The following AK6 variants were observed in gnomAD, a reference collection of about 807,000 sequenced individuals.
AK6 encodes adenylate kinase 6.
In AK6, 24 loss-of-function variants were observed where a neutral mutation model predicts 23.7. That is an observed-to-expected ratio of 1.01 (90% CI 0.73 to 1.43). The LOEUF (loss-of-function observed/expected upper bound fraction) is 1.43, where lower values mean the gene tolerates loss of function less well. AK6 is among the 40% of genes most tolerant of loss of function. AK6 has a pLI of 0.00. For missense variants in AK6, 191 were observed against 199.1 expected (o/e 0.96, Z 0.24); for synonymous variants, 73 against 69.8 (o/e 1.05, Z -0.23).
intron 2 of AK6, chr5:69,365,274 C>T (rs979365171): frequency 6.2e-7 from 1 of 1,614,154 alleles, no homozygotes; most frequent in South Asian, 1.1e-5. Flanking sequence ...ACTTGGTCTG[C>T]TAGTAACTGA....
intron 2 of AK6, among the ~76,000 whole-genome samples, chr5:69,358,293 T>G (rs1414094102): frequency 6.6e-6 from 1 of 151,712 alleles, no homozygotes; most frequent in Non-Finnish European, 1.5e-5. Context: ...AAGGCCGAGG[T>G]GGTTGATCAC....
intron 2 of AK6, chr5:69,365,196 G>A (rs1762366659): frequency 6.8e-6 from 11 of 1,614,108 alleles, no homozygotes; most frequent in African/African-American, 1.3e-5. Context: ...ACCTGTGAGG[G>A]ACATGGGAGT....
intron 2 of AK6, chr5:69,365,794 C>G: frequency 7.3e-7 from 1 of 1,368,810 alleles, no homozygotes; most frequent in East Asian, 2.4e-5. Context: ...TTAGATCAAT[C>G]TGAAATAGTT....
At chr5:69,364,706 A>C in intron 2 of AK6, 1 of 601,876 alleles carries the variant, frequency 1.7e-6, no homozygotes, top group Non-Finnish European at 2.9e-6. Flanking sequence ...CAAGGAGAAA[A>C]TTGCTTTTAA....
chr5:69,366,761 T>TA (rs1264384415), intron 1 of AK6, 166 bp from the exon 2 acceptor site: 18 of 600,968 alleles, frequency 3.0e-5, no homozygotes, highest in Non-Finnish European at 5.0e-5. Flanking sequence ...CAATCATATG[T>TA]AAAATTTTTT....
chr5:69,365,600 A>G (rs756198183), intron 2 of AK6: 25 of 1,614,052 alleles, frequency 1.5e-5, no homozygotes, highest in Non-Finnish European at 2.1e-5. Context: ...TTGTGGTCAC[A>G]TATCGGAAGG....
intron 2 of AK6, among the ~76,000 whole-genome samples, chr5:69,357,133 C>G (rs1408098630): frequency 1.3e-5 from 2 of 152,180 alleles, no homozygotes; most frequent in Admixed American, 1.3e-4. Context: ...TGAAGGGACA[C>G]AGGAGTAGTC....
rs373483893 is a variant in AK6, at chr5:69,352,097, T to C, written c.483A>G (p.Lys161=). The C allele has an allele frequency of 1.1e-5, 18 of 1,612,816 alleles. No individual in the cohort carries two copies. The highest frequency in any genetic ancestry group is 1.5e-5 in the Non-Finnish European group (18 of 1,179,640). Residue 161 remains lysine, a synonymous_variant, in exon 5 of 5, where the codon AAA becomes AAG. Transcript: ENST00000380822. ...GATCTTTGATCCACTGCTCAATCCATTTCAAGATCTGATCTACATTATTTT... is the reference window on the plus strand; with the variant it reads ...GATCTTTGATCCACTGCTCAATCCACTTCAAGATCTGATCTACATTATTTT... ...ELENNVDQIL[K]WIEQWIKDHN...
rs1398052880 is a variant in AK6 at position 69,351,471 on chromosome 5, A to G, written c.*590T>C. 6.6e-6 allele frequency: 1 copy of G among 152,258 alleles called. No individual in the cohort carries two copies. Among genetic ancestry groups the G allele is most frequent in the African/African-American group, 2.4e-5 (1 of 41,466 alleles). 9.4% of individuals were successfully genotyped at this position (152,258 alleles called of 1,614,324 possible). ...AAAAGAAAGGTACAGAATAGTGTGC[A>G]TAATATACTGTTATATTCTTTAAAA... On this transcript the variant is annotated 3_prime_UTR_variant, in exon 5 of 5. Transcript: ENST00000380822.
At chr5:69,369,593 G>T, upstream of AK6, 1 of 1,595,586 alleles carries the variant, frequency 6.3e-7, no homozygotes, top group South Asian at 1.1e-5. Flanking sequence ...GGCCCCAAAG[G>T]CCCCGAAGCC....
intron 2 of AK6, chr5:69,364,817 G>A: frequency 2.4e-6 from 2 of 847,874 alleles, no homozygotes; most frequent in South Asian, 3.4e-5. Flanking sequence ...TGAAAAGTAT[G>A]GTAACTGTGT....
intron 2 of AK6, among the ~76,000 whole-genome samples, chr5:69,356,595 A>G (rs1272369464): frequency 6.6e-6 from 1 of 151,992 alleles, no homozygotes; most frequent in Non-Finnish European, 1.5e-5. Context: ...AGGTTACAAT[A>G]AGGTGAGATC....
At chr5:69,365,609 G>A in intron 2 of AK6, 1 of 1,614,042 alleles carries the variant, frequency 6.2e-7, no homozygotes, top group Non-Finnish European at 8.5e-7. Flanking sequence ...CATATCGGAA[G>A]GCAAACTCCA....
chr5:69,365,262 G>A, intron 2 of AK6: 3 of 1,614,188 alleles, frequency 1.9e-6, no homozygotes, highest in Non-Finnish European at 1.7e-6. Context: ...TAGTGTGGGA[G>A]TACTTGGTCT....
Position 69,355,696 on chromosome 5 carries a change from A to G in AK6, c.279T>C (p.Phe93=), listed in dbSNP as rs753917804. The G allele has an allele frequency of 2.5e-5, 41 of 1,613,758 alleles. No individual in the cohort carries two copies. Among genetic ancestry groups the G allele is most frequent in the Non-Finnish European group, 3.1e-5 (36 of 1,179,940 alleles). Residue 93 remains phenylalanine, a synonymous_variant, in exon 4 of 5, where the codon TTT becomes TTC. Coordinates refer to ENST00000380822, the MANE Select transcript of AK6 (RefSeq NM_016283.5). ...ATACATTGGTATCTGTTCTCAGCAC[A>G]AAAACTATATGAAACCAGCGTTCAG... The part of the protein sequence containing the change: ...FFPERWFHIV[F]VLRTDTNVLY...
chr5:69,355,678 G>T lies in AK6; in HGVS notation c.297C>A (p.Thr99=). ...TTTCAAGTCTTTCGTACAATACATT[G>T]GTATCTGTTCTCAGCACAAAAACTA... ...FHIVFVLRTD[T]NVLYERLETR... is the part of the protein sequence containing the mutation. The change falls in exon 4 of 5, where the codon ACC becomes ACA. Residue 99 remains threonine, a synonymous_variant. Transcript: ENST00000380822. 1 of 1,612,448 alleles carries T rather than the reference G, an allele frequency of 6.2e-7. No homozygotes were observed. Among genetic ancestry groups the T allele is most frequent in the Non-Finnish European group, 8.5e-7 (1 of 1,179,732 alleles).
intron 4 of AK6, among the ~76,000 whole-genome samples, chr5:69,352,478 C>A (rs896720109): frequency 1.3e-5 from 2 of 151,662 alleles, no homozygotes; most frequent in African/African-American, 4.8e-5. Context: ...TTGAATTTCC[C>A]CCCCCCACAA....
chr5:69,366,081 T>C (rs1477926868), intron 2 of AK6, among the ~76,000 whole-genome samples: 1 of 152,186 alleles, frequency 6.6e-6, no homozygotes, highest in African/African-American at 2.4e-5. Context: ...AATCTCACAC[T>C]AATCTAAGAT....
intron 2 of AK6, among the ~76,000 whole-genome samples, chr5:69,359,011 T>TG (rs1762157633): frequency 6.6e-6 from 1 of 150,726 alleles, no homozygotes; most frequent in East Asian, 1.9e-4. Flanking sequence ...GAGGCCGAGG[T>TG]GGGAGGATCT....
Sources: gnomAD v4.1 joint callset for allele counts (sites outside exome capture counted in the v4.1 genomes callset) on GRCh38, gnomAD v4.1.1 for gene constraint, MANE v1.5 for transcripts, NCBI Gene and HGNC (gene_info 2026-07-23, HGNC 2026-07-21) for gene names.